Variants in OSMR observed in about 807,000 individuals in gnomAD.
OSMR encodes oncostatin-M-specific receptor subunit beta.
In OSMR, 81 loss-of-function variants were observed where a neutral mutation model predicts 99.9. The ratio of observed to expected loss-of-function variants is 0.81; its 90% CI spans 0.68 to 0.97. The LOEUF is 0.97. OSMR is among the 50% of genes least tolerant of loss of function. The pLI, the probability that OSMR is intolerant of heterozygous loss-of-function variation, is 0.00. For synonymous variants in OSMR, 406 were observed against 410.4 expected, an observed-to-expected ratio of 0.99 and a Z score of 0.13; for missense variants, 1,099 against 1,153.4, an observed-to-expected ratio of 0.95 and a Z score of 0.68.
chr5:38,857,283 AGTG>A (rs1052411160), intron 1 of OSMR, among the ~76,000 whole-genome samples: 20 of 152,214 alleles, frequency 1.3e-4, no homozygotes, highest in Admixed American at 1.2e-3. Flanking sequence ...ATTTCCTTTC[AGTG>A]GTGAACACCT....
At chr5:38,919,832 G>A (rs894317263) in intron 11 of OSMR, among the ~76,000 whole-genome samples, 1 of 152,012 alleles carries the variant, frequency 6.6e-6, no homozygotes, top group African/African-American at 2.4e-5. Context: ...CTTAAATTTG[G>A]GTTGAGTTGG....
intron 17 of OSMR, 159 bp from the exon 18 acceptor site, chr5:38,932,713 A>C (rs1304397432): frequency 2.0e-6 from 2 of 985,244 alleles, no homozygotes; most frequent in Admixed American, 1.2e-4. Context: ...TGTCAGGGGA[A>C]ATCTTTTGGT....
chr5:38,936,100 A>AAAT (rs1292367823), downstream of OSMR, among the ~76,000 whole-genome samples: 4 of 152,330 alleles, frequency 2.6e-5, no homozygotes, highest in African/African-American at 7.2e-5. Context: ...TGTGTCAGGA[A>AAAT]AATAATAATG....
At chr5:38,908,304 G>A (rs1404871010) in intron 9 of OSMR, among the ~76,000 whole-genome samples, 1 of 152,164 alleles carries the variant, frequency 6.6e-6, no homozygotes, top group South Asian at 2.1e-4. Flanking sequence ...ACCAGTGCCA[G>A]CACTGTCACT....
intron 1 of OSMR, among the ~76,000 whole-genome samples, chr5:38,851,314 T>G (rs1035527083): frequency 2.0e-5 from 3 of 152,140 alleles, no homozygotes; most frequent in Non-Finnish European, 4.4e-5. Flanking sequence ...AGCTCTAAAT[T>G]TATAACTTAG....
intron 2 of OSMR, among the ~76,000 whole-genome samples, chr5:38,873,817 TTATTTTATTTTATTC>T (rs1742584923): frequency 6.6e-6 from 1 of 152,144 alleles, no homozygotes; most frequent in Non-Finnish European, 1.5e-5. Flanking sequence ...GTCTTTTGAC[TTATTTTATTTTATTC>T]TATTTTATTT....
intron 1 of OSMR, among the ~76,000 whole-genome samples, chr5:38,852,879 C>T (rs1740521061): frequency 6.6e-6 from 1 of 151,488 alleles, no homozygotes; most frequent in Admixed American, 6.6e-5. Flanking sequence ...TACAGGCGCC[C>T]ACCACCACGC....
At position 38,921,718 on chromosome 5, in the gene OSMR, C is replaced by G. The variant is rs915148699; in HGVS notation, c.1689C>G (p.Asp563Glu). 13 of 1,613,968 alleles carry G rather than the reference C, an allele frequency of 8.1e-6. No individual in the cohort carries two copies. The highest frequency in any genetic ancestry group is 1.1e-5 in the Non-Finnish European group (13 of 1,179,996). ...TAGGCTATGTTGTGGACTGGTGTGA[C>G]CATACCCAGGATGTGCTCGGTGATT... Reference protein sequence around the residue: ...DVIGYVVDWCDHTQDVLGDFQ... With the variant: ...DVIGYVVDWCEHTQDVLGDFQ... Residue 563 changes from aspartate (D) to glutamate (E), a missense_variant, in exon 12 of 18, where the codon GAC becomes GAG. Physicochemically the swap from Asp to Glu is conservative, Grantham distance 45. Transcript: ENST00000274276.
At chr5:38,909,905 A>G (rs755172761) in intron 9 of OSMR, among the ~76,000 whole-genome samples, 22 of 152,226 alleles carry the variant, frequency 1.4e-4, no homozygotes, top group Non-Finnish European at 2.6e-4. Context: ...CACAGGTTAC[A>G]TGCCCCAATT....
At position 38,925,305 on chromosome 5, in the gene OSMR, C is replaced by T; in HGVS notation, c.2146C>T (p.Pro716Ser). Residue 716 changes from proline to serine, a missense_variant, in exon 15 of 18, where the codon CCA (proline) becomes TCA (serine). Physicochemically the swap from Pro to Ser is moderately conservative, Grantham distance 74. Coordinates refer to ENST00000274276, the MANE Select transcript of OSMR (RefSeq NM_003999.3). ...PESFYEFFIT[P>S]FTSAGEGPSA... ...ATCCTTCTATGAGTTTTTCATCACT[C>T]CATTCACTAGTGCTGGTGAAGGCCC... The T allele has an allele frequency of 6.2e-7, 1 of 1,614,056 alleles. No individual in the cohort carries two copies. Among genetic ancestry groups the T allele is most frequent in the Non-Finnish European group, 8.5e-7 (1 of 1,179,954 alleles).
chr5:38,903,022 T>C (rs1744994200), intron 7 of OSMR, among the ~76,000 whole-genome samples: 2 of 152,146 alleles, frequency 1.3e-5, no homozygotes, highest in African/African-American at 2.4e-5. Flanking sequence ...GTCTGATGTC[T>C]CCACTGTGGG....
chr5:38,868,849 G>A (rs1742150571), intron 1 of OSMR, 183 bp from the exon 2 acceptor site: 1 of 231,142 alleles, frequency 4.3e-6, no homozygotes. Flanking sequence ...AGGTCCCATG[G>A]GGCAGGGAAA....
exon 3 of OSMR, chr5:38,945,081 AT>A (rs1748031041): frequency 1.3e-6 from 2 of 1,569,182 alleles, no homozygotes; most frequent in African/African-American, 1.4e-5. Context: ...GAAGAAAAAA[AT>A]AATTATTTCA....
chr5:38,944,645 T>A, intron 2 of OSMR: 1 of 1,304,806 alleles, frequency 7.7e-7, no homozygotes, highest in Non-Finnish European at 1.1e-6. Flanking sequence ...AATTTATTTT[T>A]AAACTTCACC....
In OSMR at chr5:38,909,693, C is replaced by T. The variant is rs750958424; in HGVS notation, c.1285+5190C>T. ...AAGCAAATGCTAACGGAATTCACTACCATTAGACCTGCCTTAGAGGAGATC... is the reference window on the plus strand; with the variant it reads ...AAGCAAATGCTAACGGAATTCACTATCATTAGACCTGCCTTAGAGGAGATC... On this transcript the variant is annotated intron_variant, in intron 9 of 17. Transcript: ENST00000274276. Among the ~76,000 whole-genome samples the T allele has an allele frequency of 7.9e-5, 12 of 152,144 alleles. 1 individual carries two copies. Among genetic ancestry groups the T allele is most frequent in the Non-Finnish European group, 1.2e-4 (8 of 68,032 alleles).
At chr5:38,857,901 C>T (rs1740981562) in intron 1 of OSMR, among the ~76,000 whole-genome samples, 1 of 152,140 alleles carries the variant, frequency 6.6e-6, no homozygotes. Flanking sequence ...CTCCTGACCT[C>T]AGGTGATCCT....
intron 1 of OSMR, among the ~76,000 whole-genome samples, chr5:38,862,324 G>A (rs1393552959): frequency 3.1e-5 from 3 of 97,838 alleles, no homozygotes; most frequent in African/African-American, 1.3e-4. Context: ...CGGACGGGGT[G>A]GCTGGCCGGG....
At chr5:38,942,246 G>T in intron 1 of OSMR, 1 of 1,070,920 alleles carries the variant, frequency 9.3e-7, no homozygotes, top group Admixed American at 1.8e-5. Context: ...GAGGCTTTTA[G>T]GAAATCCACA....
At chr5:38,892,876 C>A (rs357264) in intron 7 of OSMR, among the ~76,000 whole-genome samples, 6,372 of 151,424 alleles carry the variant, frequency 0.042, 394 homozygotes, top group African/African-American at 0.13. Context: ...ACCCCCTACC[C>A]CTACAGAGAC....
Sources: gnomAD v4.1 joint callset for allele counts (sites outside exome capture counted in the v4.1 genomes callset) on GRCh38, gnomAD v4.1.1 for gene constraint, MANE v1.5 for transcripts, NCBI Gene and HGNC (gene_info 2026-07-23, HGNC 2026-07-21) for gene names.